SLC16A12: variants seen among roughly 807,000 people sequenced by gnomAD.
SLC16A12 encodes the protein solute carrier family 16 member 12.
In SLC16A12, 17 loss-of-function variants were observed where a neutral mutation model predicts 42.4. That is an observed-to-expected ratio of 0.40 (90% CI 0.27 to 0.60). The LOEUF (loss-of-function observed/expected upper bound fraction) is 0.60. SLC16A12 is among the 20% of genes least tolerant of loss of function. The pLI is 0.42. For synonymous variants in SLC16A12, 224 were observed against 229.4 expected, an observed-to-expected ratio of 0.98 and a Z score of 0.21; for missense variants, 544 against 623.0, an observed-to-expected ratio of 0.87 and a Z score of 1.35.
At chr10:89,513,683 G>C (rs1293627111) in intron 2 of SLC16A12, among the ~76,000 whole-genome samples, 1 of 152,092 alleles carries the variant, frequency 6.6e-6, no homozygotes, top group African/African-American at 2.4e-5. Flanking sequence ...AAAATATTTA[G>C]CAAGAGACTG....
intron 2 of SLC16A12, among the ~76,000 whole-genome samples, chr10:89,520,790 C>T (rs1385206440): frequency 6.6e-6 from 1 of 151,684 alleles, no homozygotes; most frequent in Non-Finnish European, 1.5e-5. Context: ...CTGCCCCTGC[C>T]CTTGAGCCTT....
rs966932161 is a variant in SLC16A12, at chr10:89,448,032, G to A, written c.201-4173C>T. 2.6e-5 allele frequency among the ~76,000 whole-genome samples: 4 copies of A among 152,022 alleles called. No homozygotes were observed. The East Asian group carries it at 5.8e-4, about 22-fold the overall frequency. ...ATCTAGAAGAAATGGATAAATTCCT[G>A]GACACATACTCCCCAGACTAAACCA... On this transcript the variant is annotated intron_variant, in intron 3 of 7. Transcript: ENST00000371790.
chr10:89,478,220 G>C (rs1842609714), intron 2 of SLC16A12, among the ~76,000 whole-genome samples: 1 of 152,160 alleles, frequency 6.6e-6, no homozygotes, highest in African/African-American at 2.4e-5. Flanking sequence ...AGTCCCTGTT[G>C]AAGGGAAGCA....
At chr10:89,450,787 C>T (rs1303632665) in intron 3 of SLC16A12, among the ~76,000 whole-genome samples, 1 of 152,066 alleles carries the variant, frequency 6.6e-6, no homozygotes, top group East Asian at 1.9e-4. Flanking sequence ...AAAGCTTATA[C>T]ACTAAAATGT....
chr10:89,440,073 CAA>C (rs10674171), intron 5 of SLC16A12, among the ~76,000 whole-genome samples: 5 of 31,452 alleles, frequency 1.6e-4, no homozygotes, highest in Non-Finnish European at 2.3e-4. Context: ...GACCCTGTCT[CAA>C]AAAAAAAAAA....
At chr10:89,520,489 A>G (rs1016221796) in intron 2 of SLC16A12, among the ~76,000 whole-genome samples, 2 of 152,180 alleles carry the variant, frequency 1.3e-5, no homozygotes, top group African/African-American at 4.8e-5. Flanking sequence ...GAACTCAATA[A>G]GCATTTGTAA....
At chr10:89,545,584 A>T (rs775273105) in intron 2 of SLC16A12, among the ~76,000 whole-genome samples, 4 of 152,236 alleles carry the variant, frequency 2.6e-5, no homozygotes, top group African/African-American at 7.2e-5. Flanking sequence ...ATGGAAAAAC[A>T]TTCCATCCTC....
At chr10:89,439,749 T>C (rs1386936297) in intron 5 of SLC16A12, among the ~76,000 whole-genome samples, 3 of 152,114 alleles carry the variant, frequency 2.0e-5, no homozygotes, top group Non-Finnish European at 2.9e-5. Context: ...AGCAGACAAA[T>C]GTTGACACTT....
At chr10:89,448,469 T>A (rs1313693385) in intron 3 of SLC16A12, among the ~76,000 whole-genome samples, 1 of 152,106 alleles carries the variant, frequency 6.6e-6, no homozygotes, top group Non-Finnish European at 1.5e-5. Context: ...AATCAATAAA[T>A]ATAATCCACC....
intron 3 of SLC16A12, among the ~76,000 whole-genome samples, chr10:89,447,486 A>ACAACCTGC (rs1157996898): frequency 6.6e-6 from 1 of 152,258 alleles, no homozygotes; most frequent in Non-Finnish European, 1.5e-5. Context: ...TGGAAACTGA[A>ACAACCTGC]CAACCTGCTC....
intron 7 of SLC16A12, 23 bp from the exon 8 acceptor site, chr10:89,433,349 TTTATTTTTGAGTTGAAAATTC>T: frequency 6.2e-7 from 1 of 1,612,122 alleles, no homozygotes; most frequent in South Asian, 1.1e-5. Flanking sequence ...ACAGCAAAAT[TTTATTTTTGAGTTGAAAATTC>T]AATTGCTTAC....
chr10:89,439,644 A>G (rs1841869346), intron 5 of SLC16A12, among the ~76,000 whole-genome samples: 1 of 152,230 alleles, frequency 6.6e-6, no homozygotes, highest in South Asian at 2.1e-4. Flanking sequence ...TGAAAATTCC[A>G]GGGTAATTTT....
chr10:89,527,719 G>C (rs751791827), intron 2 of SLC16A12, among the ~76,000 whole-genome samples: 8 of 151,470 alleles, frequency 5.3e-5, no homozygotes, highest in Non-Finnish European at 7.4e-5. Flanking sequence ...AAGCAGGACT[G>C]CCTGAGCCTA....
intron 6 of SLC16A12, among the ~76,000 whole-genome samples, chr10:89,438,070 T>G (rs753722244): frequency 6.6e-6 from 1 of 152,106 alleles, no homozygotes; most frequent in Non-Finnish European, 1.5e-5. Context: ...AAAAGTTGTC[T>G]TGCTTGAGGA....
intron 2 of SLC16A12, among the ~76,000 whole-genome samples, chr10:89,502,168 C>T (rs778979260): frequency 2.6e-5 from 4 of 151,958 alleles, no homozygotes; most frequent in Admixed American, 6.6e-5. Flanking sequence ...AAGTGATGCC[C>T]GGCCGGGTGC....
intron 2 of SLC16A12, among the ~76,000 whole-genome samples, chr10:89,505,291 T>A (rs769269489): frequency 5.9e-5 from 9 of 152,088 alleles, no homozygotes; most frequent in Non-Finnish European, 1.2e-4. Context: ...TGGCAACATC[T>A]GTAGTCCCAG....
intron 4 of SLC16A12, 90 bp downstream of exon 4, chr10:89,443,666 G>T: frequency 1.0e-6 from 1 of 956,256 alleles, no homozygotes; most frequent in South Asian, 1.3e-5. Flanking sequence ...TTCTACTTAG[G>T]AAAACTAGTA....
At chr10:89,556,215 G>A (rs1267006803) in intron 1 of SLC16A12, among the ~76,000 whole-genome samples, 3 of 152,122 alleles carry the variant, frequency 2.0e-5, no homozygotes, top group Admixed American at 6.5e-5. Context: ...AAAGCTATGG[G>A]TGGGTACTCC....
chr10:89,466,810 C>T lies in SLC16A12; in HGVS notation c.-46-4186G>A, dbSNP rs144749027. Among the ~76,000 whole-genome samples, 28 of 152,318 alleles carry T rather than the reference C, an allele frequency of 1.8e-4. No individual in the cohort carries two copies. The East Asian group carries it at 3.9e-3, about 21-fold the overall frequency. On this transcript the variant is annotated intron_variant, in intron 2 of 7. Coordinates refer to ENST00000371790, the MANE Select transcript of SLC16A12 (RefSeq NM_213606.4). ...CACACACATTTGTGTGCAGTTCCTG[C>T]GTGCTTCACCTGCCAGGCCCCTGGG... is the stretch of plus-strand genomic sequence containing the variant.
Sources: gnomAD v4.1 joint callset for allele counts (sites outside exome capture counted in the v4.1 genomes callset) on GRCh38, gnomAD v4.1.1 for gene constraint, MANE v1.5 for transcripts, NCBI Gene and HGNC (gene_info 2026-07-23, HGNC 2026-07-21) for gene names.